The following PRIM2 variants were observed in gnomAD, a reference collection of about 807,000 sequenced individuals.
The protein encoded by PRIM2 is DNA primase subunit 2.
Under a neutral mutation model 67.3 loss-of-function variants are expected in PRIM2, and 39 were observed. That is an observed-to-expected ratio of 0.58 (90% confidence interval 0.45 to 0.76). The LOEUF (loss-of-function observed/expected upper bound fraction) is 0.76, where lower values mean the gene tolerates loss of function less well. Among genes scored for constraint, PRIM2 ranks in the 30% least tolerant of loss-of-function variants. The pLI, the probability that PRIM2 is intolerant of heterozygous loss-of-function variation, is 0.00. For missense variants in PRIM2, 398 were observed against 598.7 expected (o/e 0.66, Z 3.50); for synonymous variants, 143 against 198.7 (o/e 0.72, Z 2.36).
At chr6:57,423,582 G>C (rs916543814) in intron 7 of PRIM2, among the ~76,000 whole-genome samples, 1 of 152,196 alleles carries the variant, frequency 6.6e-6, no homozygotes, top group Non-Finnish European at 1.5e-5. Context: ...AATGTTAGTA[G>C]TTGCTAGGTA....
At chr6:57,499,675 A>G (rs1774089531) in intron 7 of PRIM2, among the ~76,000 whole-genome samples, 1 of 152,168 alleles carries the variant, frequency 6.6e-6, no homozygotes. Context: ...CCCATATCAC[A>G]TAAAACTTAA....
chr6:57,539,642 GTGTGTGTGTGTGTGTATATA>G (rs1280275594), intron 10 of PRIM2, among the ~76,000 whole-genome samples: 13 of 71,112 alleles, frequency 1.8e-4, no homozygotes, highest in East Asian at 8.7e-4. Flanking sequence ...GTGTGTGTGT[GTGTGTGTGTGTGTGTATATA>G]TATATATATA....
chr6:57,627,115 T>C (rs1479334329), intron 12 of PRIM2, among the ~76,000 whole-genome samples: 1 of 150,542 alleles, frequency 6.6e-6, no homozygotes, highest in African/African-American at 2.4e-5. Flanking sequence ...ACCCCATCTC[T>C]ATTAAAAATT....
chr6:57,350,527 G>A (rs376481579), intron 5 of PRIM2, among the ~76,000 whole-genome samples: 17,981 of 152,148 alleles, frequency 0.12, 1,168 homozygotes, highest in African/African-American at 0.15. Context: ...ATAAACCTCA[G>A]GGGAGGCGTA....
chr6:57,523,175 G>C (rs1288431112), intron 8 of PRIM2, among the ~76,000 whole-genome samples: 3 of 152,208 alleles, frequency 2.0e-5, no homozygotes, highest in South Asian at 2.1e-4. Context: ...GAAAAATACT[G>C]TGATAAACAC....
At chr6:57,607,380 A>C (rs1776583721) in intron 12 of PRIM2, among the ~76,000 whole-genome samples, 2 of 152,126 alleles carry the variant, frequency 1.3e-5, no homozygotes, top group Admixed American at 6.5e-5. Flanking sequence ...GAAAAAAAAA[A>C]CATAAACCAA....
chr6:57,542,329 T>C (rs1302590472), intron 10 of PRIM2, among the ~76,000 whole-genome samples: 1 of 152,130 alleles, frequency 6.6e-6, no homozygotes, highest in African/African-American at 2.4e-5. Context: ...TGAGCTAGCA[T>C]TTTAGCTTGG....
At chr6:57,321,397 A>G (rs1351590418) in intron 3 of PRIM2, among the ~76,000 whole-genome samples, 23 of 152,200 alleles carry the variant, frequency 1.5e-4, no homozygotes, top group Non-Finnish European at 5.9e-5. Context: ...GTCTGAATAT[A>G]CAGGAAGACA....
intron 7 of PRIM2, among the ~76,000 whole-genome samples, chr6:57,466,393 C>T (rs1018985681): frequency 6.6e-6 from 1 of 152,136 alleles, no homozygotes; most frequent in African/African-American, 2.4e-5. Flanking sequence ...TAAGGAATTG[C>T]CACACTGTCT....
chr6:57,606,280 A>AT (rs1776560653), intron 11 of PRIM2, 95 bp from the exon 12 acceptor site: 1 of 919,240 alleles, frequency 1.1e-6, no homozygotes, highest in Non-Finnish European at 1.7e-6. Context: ...CTGTTAGACA[A>AT]TTAAGGGGAG....
the PRIM2 span, among the ~76,000 whole-genome samples, chr6:57,260,436 A>G: frequency 6.6e-6 from 1 of 152,186 alleles, no homozygotes; most frequent in African/African-American, 2.4e-5. Context: ...AATGTGGTGA[A>G]TTATTTTATG....
intron 10 of PRIM2, among the ~76,000 whole-genome samples, chr6:57,592,211 T>G (rs1168150997): frequency 2.0e-5 from 3 of 152,148 alleles, no homozygotes; most frequent in African/African-American, 7.2e-5. Flanking sequence ...AATTACCTAT[T>G]GGGTACTTTG....
At chr6:57,473,840 A>G (rs1773397423) in intron 7 of PRIM2, among the ~76,000 whole-genome samples, 1 of 152,152 alleles carries the variant, frequency 6.6e-6, no homozygotes, top group Non-Finnish European at 1.5e-5. Flanking sequence ...TCTCTTTGCT[A>G]AACTTGAATA....
chr6:57,265,455 T>C, the PRIM2 span, among the ~76,000 whole-genome samples: 1 of 152,232 alleles, frequency 6.6e-6, no homozygotes, highest in East Asian at 1.9e-4. Flanking sequence ...CACGTTGGTA[T>C]GTGCCATTTT....
At chr6:57,421,508 G>A (rs1026417200) in intron 7 of PRIM2, among the ~76,000 whole-genome samples, 17 of 152,200 alleles carry the variant, frequency 1.1e-4, no homozygotes, top group African/African-American at 3.6e-4. Flanking sequence ...GCCTTATTAT[G>A]TAAGCTGTAA....
intron 10 of PRIM2, among the ~76,000 whole-genome samples, chr6:57,597,729 G>T (rs2127490501): frequency 6.6e-6 from 1 of 152,212 alleles, no homozygotes; most frequent in Non-Finnish European, 1.5e-5. Flanking sequence ...TACTCTGTGT[G>T]TGTTGCTCTT....
rs1193756482 is a variant in PRIM2 at position 57,542,939 on chromosome 6, A to ATTTTTTTTTTTTTTTTTTTTTTTT, written c.1020+5333_1020+5334insTTTTTTTTTTTTTTTTTTTTTTTT. Among the ~76,000 whole-genome samples the ATTTTTTTTTTTTTTTTTTTTTTTT allele has an allele frequency of 1.7e-3, 122 of 71,872 alleles. 32 individuals carry two copies. Among genetic ancestry groups the ATTTTTTTTTTTTTTTTTTTTTTTT allele is most frequent in the Middle Eastern group, 0.017 (2 of 120 alleles). The allele number at this position is 71,872 out of a possible 152,430, so 47.2% of individuals were successfully genotyped here. On this transcript the variant is annotated intron_variant, in intron 10 of 13. Coordinates refer to ENST00000615550, the MANE Select transcript of PRIM2 (RefSeq NM_000947.5). The stretch of plus-strand genomic sequence containing the variant: ...GTTGGCTTAAAATACTGCTTATAGG[A>ATTTTTTTTTTTTTTTTTTTTTTTT]TTTTTTTTTTTTTTTTTTTGAGACG...
chr6:57,274,496 G>C, the PRIM2 span, among the ~76,000 whole-genome samples: 2 of 152,312 alleles, frequency 1.3e-5, no homozygotes, highest in South Asian at 4.2e-4. Context: ...ATTTGGGTGG[G>C]AGTGACCCGA....
intron 13 of PRIM2, among the ~76,000 whole-genome samples, chr6:57,636,845 A>T (rs1425057691): frequency 6.6e-6 from 1 of 152,232 alleles, no homozygotes; most frequent in Non-Finnish European, 1.5e-5. Context: ...CAGCAGACTT[A>T]AACGTTCTTG....
Sources: allele counts gnomAD v4.1 joint callset (sites outside exome capture counted in the v4.1 genomes callset), GRCh38; gene constraint gnomAD v4.1.1; transcripts MANE v1.5; gene names NCBI Gene and HGNC (gene_info 2026-07-23, HGNC 2026-07-21).